CDH18: variants seen among roughly 807,000 people sequenced by gnomAD.
CDH18 encodes the protein cadherin-18.
CDH18 carries 31 observed loss-of-function variants against 67.9 expected under a neutral mutation model. The ratio of observed to expected loss-of-function variants is 0.46; its 90% confidence interval spans 0.34 to 0.62. The LOEUF is 0.62. CDH18 is among the 20% of genes least tolerant of loss of function. CDH18 has a pLI of 0.01. For synonymous variants in CDH18, 362 were observed against 347.2 expected (o/e 1.04, Z -0.48); for missense variants, 890 against 975.5 (o/e 0.91, Z 1.17).
At chr5:20,339,909 G>A (rs1326588793) in intron 1 of CDH18, among the ~76,000 whole-genome samples, 2 of 152,186 alleles carry the variant, frequency 1.3e-5, no homozygotes, top group Non-Finnish European at 2.9e-5. Context: ...AGAGAAATTT[G>A]AAGACAAACT....
intron 8 of CDH18, among the ~76,000 whole-genome samples, chr5:19,570,740 CA>C (rs1561370922): frequency 6.6e-6 from 1 of 152,086 alleles, no homozygotes; most frequent in East Asian, 1.9e-4. Flanking sequence ...TTTGATAATG[CA>C]AAAAAGCTTT....
At chr5:19,832,052 C>T (rs1260705101) in intron 3 of CDH18, among the ~76,000 whole-genome samples, 1 of 151,920 alleles carries the variant, frequency 6.6e-6, no homozygotes, top group African/African-American at 2.4e-5. Flanking sequence ...GAGCTGAACA[C>T]AAGGTATTCA....
intron 1 of CDH18, among the ~76,000 whole-genome samples, chr5:20,490,030 A>C (rs1436494299): frequency 6.6e-6 from 1 of 150,984 alleles, no homozygotes; most frequent in Non-Finnish European, 1.5e-5. Flanking sequence ...AATAAATATA[A>C]TAAATCATTA....
At chr5:19,851,114 C>T (rs1581643036) in intron 2 of CDH18, among the ~76,000 whole-genome samples, 1 of 151,550 alleles carries the variant, frequency 6.6e-6, no homozygotes, top group African/African-American at 2.4e-5. Flanking sequence ...ATAATGTCCT[C>T]GAGAGTATTA....
At chr5:19,713,709 G>A (rs1042669128) in intron 5 of CDH18, among the ~76,000 whole-genome samples, 4 of 152,066 alleles carry the variant, frequency 2.6e-5, no homozygotes, top group Non-Finnish European at 4.4e-5. Context: ...TCTCAGTGGA[G>A]TATCAGAGAA....
chr5:20,026,960 T>TAA (rs1213316442), intron 2 of CDH18, among the ~76,000 whole-genome samples: 1 of 135,182 alleles, frequency 7.4e-6, no homozygotes, highest in African/African-American at 2.8e-5. Context: ...GTTTCAAACA[T>TAA]AAAAAAAAAA....
chr5:19,979,473 G>A (rs781260223), intron 2 of CDH18, among the ~76,000 whole-genome samples: 3 of 151,954 alleles, frequency 2.0e-5, no homozygotes, highest in Non-Finnish European at 4.4e-5. Flanking sequence ...AAATGGCAAG[G>A]TAAAAACATA....
At chr5:19,755,316 C>A (rs1226197244) in intron 3 of CDH18, among the ~76,000 whole-genome samples, 2 of 148,352 alleles carry the variant, frequency 1.3e-5, no homozygotes, top group Admixed American at 6.8e-5. Context: ...ATCCAAATAA[C>A]CTCGGTAAGA....
intron 1 of CDH18, among the ~76,000 whole-genome samples, chr5:20,387,331 T>A (rs957601885): frequency 3.3e-5 from 5 of 152,174 alleles, no homozygotes; most frequent in South Asian, 2.1e-4. Context: ...TTGAAGCAAC[T>A]GTGAATGGGA....
intron 8 of CDH18, among the ~76,000 whole-genome samples, chr5:19,556,177 C>A (rs1007994750): frequency 2.0e-5 from 3 of 152,024 alleles, no homozygotes; most frequent in Non-Finnish European, 4.4e-5. Flanking sequence ...TGAGAAGAGA[C>A]CAGAAAAATA....
At chr5:19,813,299 T>C (rs952135332) in intron 3 of CDH18, among the ~76,000 whole-genome samples, 2 of 151,862 alleles carry the variant, frequency 1.3e-5, no homozygotes, top group African/African-American at 4.8e-5. Flanking sequence ...TAAAAAAAAT[T>C]ACAATAGGCA....
intron 10 of CDH18, among the ~76,000 whole-genome samples, chr5:19,508,891 G>T (rs1744674943): frequency 7.1e-6 from 1 of 140,672 alleles, no homozygotes; most frequent in Non-Finnish European, 1.5e-5. Context: ...TTGTGGCAGA[G>T]ACTCACTCTG....
At chr5:20,528,645 G>T (rs1756213857) in intron 1 of CDH18, among the ~76,000 whole-genome samples, 1 of 151,874 alleles carries the variant, frequency 6.6e-6, no homozygotes, top group Non-Finnish European at 1.5e-5. Flanking sequence ...CTTGCTCCTG[G>T]ATGACTTCCA....
chr5:19,520,823 T>C (rs441865), intron 9 of CDH18, 45 bp from the exon 10 acceptor site: 674,339 of 1,594,998 alleles, frequency 0.42, 144,897 homozygotes, highest in South Asian at 0.49. Flanking sequence ...ATGCACACTT[T>C]AGAGGCTCGG....
At chr5:20,312,896 A>G (rs1407768241) in intron 1 of CDH18, among the ~76,000 whole-genome samples, 2 of 151,894 alleles carry the variant, frequency 1.3e-5, no homozygotes, top group Admixed American at 6.6e-5. Context: ...TTTTTAATCA[A>G]TTCTTTCTTA....
chr5:20,224,452 G>GT (rs1275655321), intron 2 of CDH18, among the ~76,000 whole-genome samples: 1 of 150,516 alleles, frequency 6.6e-6, no homozygotes, highest in Non-Finnish European at 1.5e-5. Context: ...ACATGAATAT[G>GT]TTTTTTAATG....
intron 2 of CDH18, among the ~76,000 whole-genome samples, chr5:20,100,591 T>C (rs1746371481): frequency 6.6e-6 from 1 of 152,230 alleles, no homozygotes; most frequent in Non-Finnish European, 1.5e-5. Context: ...ACATGCTACA[T>C]AATAAATTTT....
intron 1 of CDH18, among the ~76,000 whole-genome samples, chr5:20,374,118 G>C (rs971686744): frequency 3.3e-5 from 5 of 152,078 alleles, no homozygotes; most frequent in Admixed American, 6.6e-5. Flanking sequence ...ACCTAGAAAG[G>C]CCAAGTTCCC....
At chr5:20,275,601 G>A (rs1413519393) in intron 1 of CDH18, among the ~76,000 whole-genome samples, 1 of 152,050 alleles carries the variant, frequency 6.6e-6, no homozygotes, top group Non-Finnish European at 1.5e-5. Context: ...TTTGTGTTCT[G>A]AGTACATTAA....
Sources: allele counts gnomAD v4.1 joint callset (sites outside exome capture counted in the v4.1 genomes callset), GRCh38; gene constraint gnomAD v4.1.1; transcripts MANE v1.5; gene names NCBI Gene and HGNC (gene_info 2026-07-23, HGNC 2026-07-21).